The following MYZAP variants were observed in gnomAD, a reference collection of about 807,000 sequenced individuals.
MYZAP encodes the protein myocardial zonula adherens protein, also known as GRINL1A complex locus upstream.
MYZAP carries 66 observed loss-of-function variants against 69.4 expected under a neutral mutation model. The ratio of observed to expected loss-of-function variants is 0.95; its 90% CI spans 0.78 to 1.17. The LOEUF (loss-of-function observed/expected upper bound fraction) is 1.17, where lower values mean the gene tolerates loss of function less well. Ranked by LOEUF, MYZAP falls within the 50% of genes most tolerant of loss-of-function variation. The pLI is 0.00. For synonymous variants in MYZAP, 256 were observed against 205.9 expected, an observed-to-expected ratio of 1.24 and a Z score of -2.09; for missense variants, 611 against 556.2, an observed-to-expected ratio of 1.10 and a Z score of -0.99.
At chr15:57,677,413 C>T (rs997120685) in intron 12 of MYZAP, among the ~76,000 whole-genome samples, 6 of 152,200 alleles carry the variant, frequency 3.9e-5, no homozygotes, top group Admixed American at 1.3e-4. Context: ...AAGTGATTCA[C>T]TGGAAGCCAC....
At chr15:57,597,995 A>C (rs1439256908) in intron 1 of MYZAP, among the ~76,000 whole-genome samples, 1 of 152,210 alleles carries the variant, frequency 6.6e-6, no homozygotes, top group African/African-American at 2.4e-5. Flanking sequence ...CAGGCCTGAG[A>C]GAAATGTAAA....
intron 1 of MYZAP, among the ~76,000 whole-genome samples, chr15:57,597,610 C>T (rs1207449200): frequency 1.3e-5 from 2 of 152,104 alleles, no homozygotes; most frequent in South Asian, 2.1e-4. Context: ...TGGATCTTGG[C>T]GTTTGGGGCA....
chr15:57,665,993 C>T (rs1300002873), intron 11 of MYZAP, among the ~76,000 whole-genome samples: 1 of 152,106 alleles, frequency 6.6e-6, no homozygotes, highest in African/African-American at 2.4e-5. Context: ...AGGGATAATC[C>T]CTCCCACTTG....
At chr15:57,640,837 G>A (rs1033000265) in intron 10 of MYZAP, among the ~76,000 whole-genome samples, 20 of 152,176 alleles carry the variant, frequency 1.3e-4, no homozygotes, top group Admixed American at 2.0e-4. Context: ...AGGAGGCCAC[G>A]CACGCATCTT....
chr15:57,615,099 G>A (rs2641572), intron 2 of MYZAP, among the ~76,000 whole-genome samples: 9,503 of 152,122 alleles, frequency 0.062, 772 homozygotes, highest in African/African-American at 0.19. Context: ...CCTTCCTGGG[G>A]GCGTTTTATT....
intron 2 of MYZAP, among the ~76,000 whole-genome samples, chr15:57,616,607 A>G (rs565678846): frequency 1.3e-5 from 2 of 151,744 alleles, no homozygotes; most frequent in African/African-American, 4.8e-5. Flanking sequence ...CTGCTCTCCA[A>G]CCTGGCGAGA....
chr15:57,639,687 G>T, intron 10 of MYZAP, 142 bp downstream of exon 10: 1 of 906,574 alleles, frequency 1.1e-6, no homozygotes, highest in Non-Finnish European at 1.7e-6. Context: ...GCCCAGAGTG[G>T]GATTTCCCCA....
At chr15:57,672,108 A>G (rs947659992) in intron 11 of MYZAP, among the ~76,000 whole-genome samples, 5 of 152,194 alleles carry the variant, frequency 3.3e-5, no homozygotes, top group Admixed American at 2.6e-4. Flanking sequence ...CCAGACATGC[A>G]TGGTTCAGTG....
intron 1 of MYZAP, among the ~76,000 whole-genome samples, chr15:57,593,020 C>T (rs1352250082): frequency 1.3e-5 from 2 of 152,104 alleles, no homozygotes; most frequent in Non-Finnish European, 2.9e-5. Flanking sequence ...AGGCTTGGAC[C>T]TGCTTATTTG....
chr15:57,633,584 G>T, intron 7 of MYZAP, 29 bp from the exon 8 acceptor site: 1 of 1,601,996 alleles, frequency 6.2e-7, no homozygotes, highest in Non-Finnish European at 8.5e-7. Flanking sequence ...CTCCATGCCT[G>T]TACTTAGGAG....
chr15:57,601,834 C>T (rs1049353159), intron 1 of MYZAP, among the ~76,000 whole-genome samples: 1 of 152,142 alleles, frequency 6.6e-6, no homozygotes, highest in African/African-American at 2.4e-5. Flanking sequence ...AATTAGTTTG[C>T]AGTCCGAGGA....
chr15:57,625,988 C>A, intron 5 of MYZAP, 96 bp downstream of exon 5: 1 of 1,075,906 alleles, frequency 9.3e-7, no homozygotes. Flanking sequence ...ACATCCTTAG[C>A]TCATGATTCA....
At chr15:57,646,330 A>G in intron 10 of MYZAP, 3 of 1,196,960 alleles carry the variant, frequency 2.5e-6, no homozygotes, top group Non-Finnish European at 3.2e-6. Flanking sequence ...CATATTATTT[A>G]AAGGAAAATT....
chr15:57,610,019 G>A (rs2035004206), intron 2 of MYZAP, among the ~76,000 whole-genome samples: 1 of 152,132 alleles, frequency 6.6e-6, no homozygotes, highest in Admixed American at 6.5e-5. Context: ...TCACTGCACA[G>A]TTGAATTTTA....
intron 11 of MYZAP, among the ~76,000 whole-genome samples, chr15:57,666,180 C>A (rs963558479): frequency 2.0e-5 from 3 of 152,214 alleles, no homozygotes; most frequent in African/African-American, 7.2e-5. Context: ...ATGCCACCAA[C>A]AACCTGGACT....
At chr15:57,598,074 T>A (rs542213857) in intron 1 of MYZAP, among the ~76,000 whole-genome samples, 200 of 152,356 alleles carry the variant, frequency 1.3e-3, no homozygotes, top group African/African-American at 4.6e-3. Flanking sequence ...CCTCCCTGAA[T>A]CATCTTCTCC....
chr15:57,659,895 C>G (rs2038195467), intron 10 of MYZAP, among the ~76,000 whole-genome samples: 1 of 152,140 alleles, frequency 6.6e-6, no homozygotes, highest in African/African-American at 2.4e-5. Context: ...AAGTTCTTCC[C>G]TTTCCCTATT....
At chr15:57,629,088 CAAAAAAA>C (rs1274144448) in intron 5 of MYZAP, among the ~76,000 whole-genome samples, 10 of 115,082 alleles carry the variant, frequency 8.7e-5, no homozygotes, top group Non-Finnish European at 1.7e-4. Flanking sequence ...GTCTCAAAAA[CAAAAAAA>C]AAAAAAAAAA....
At chr15:57,672,848 C>G (rs1470282380) in intron 11 of MYZAP, among the ~76,000 whole-genome samples, 1 of 152,162 alleles carries the variant, frequency 6.6e-6, no homozygotes, top group African/African-American at 2.4e-5. Flanking sequence ...ACCGCTGTCC[C>G]CATTTTGAGT....
Sources: allele counts gnomAD v4.1 joint callset (sites outside exome capture counted in the v4.1 genomes callset), GRCh38; gene constraint gnomAD v4.1.1; transcripts MANE v1.5; gene names NCBI Gene and HGNC (gene_info 2026-07-23, HGNC 2026-07-21).